The following AMPH variants were observed in gnomAD, a reference collection of about 807,000 sequenced individuals.
AMPH encodes the protein amphiphysin.
Under a neutral mutation model 99.1 loss-of-function variants are expected in AMPH, and 49 were observed. The observed-to-expected ratio is 0.49, with a 90% CI of 0.39 to 0.63. AMPH has a LOEUF of 0.63. Among genes scored for constraint, AMPH ranks in the 20% least tolerant of loss-of-function variants. The pLI, the probability that AMPH is intolerant of heterozygous loss-of-function variation, is 0.00. For missense variants in AMPH, 759 were observed against 863.4 expected (o/e 0.88, Z 1.52); for synonymous variants, 314 against 317.3 (o/e 0.99, Z 0.11).
intron 1 of AMPH, among the ~76,000 whole-genome samples, chr7:38,616,606 G>A (rs1043654074): frequency 6.6e-6 from 1 of 152,134 alleles, no homozygotes; most frequent in African/African-American, 2.4e-5. Flanking sequence ...AACAGGTGAA[G>A]AATGGGTAAA....
intron 17 of AMPH, among the ~76,000 whole-genome samples, chr7:38,410,445 C>T (rs568138783): frequency 5.3e-5 from 8 of 152,316 alleles, no homozygotes; most frequent in African/African-American, 1.9e-4. Flanking sequence ...GACTGCCAAC[C>T]TCTGAGTTCA....
chr7:38,554,877 C>T (rs773995429), intron 1 of AMPH, among the ~76,000 whole-genome samples: 4 of 152,206 alleles, frequency 2.6e-5, no homozygotes, highest in Non-Finnish European at 5.9e-5. Context: ...CCAGGAGATG[C>T]ACACCCTCTT....
At chr7:38,475,202 C>T (rs567352889) in intron 7 of AMPH, 129 bp downstream of exon 7, 11 of 624,060 alleles carry the variant, frequency 1.8e-5, no homozygotes, top group East Asian at 5.8e-5. Flanking sequence ...TACTGGAAAG[C>T]GCAGATAAAG....
chr7:38,527,574 T>C (rs574701223), intron 2 of AMPH, among the ~76,000 whole-genome samples: 1 of 152,348 alleles, frequency 6.6e-6, no homozygotes, highest in African/African-American at 2.4e-5. Context: ...ATGTGATTGA[T>C]ATTTATGTGT....
intron 1 of AMPH, among the ~76,000 whole-genome samples, chr7:38,597,722 C>A (rs1406713785): frequency 6.6e-6 from 1 of 152,168 alleles, no homozygotes; most frequent in Non-Finnish European, 1.5e-5. Flanking sequence ...AAAAACCCCA[C>A]CCATCACAAC....
At chr7:38,471,963 C>A (rs1401669059) in intron 7 of AMPH, among the ~76,000 whole-genome samples, 3 of 151,936 alleles carry the variant, frequency 2.0e-5, no homozygotes, top group Non-Finnish European at 4.4e-5. Flanking sequence ...AACAAAAGAG[C>A]CCTAAAATAC....
chr7:38,555,465 A>G (rs1413411743), intron 1 of AMPH, among the ~76,000 whole-genome samples: 1 of 152,160 alleles, frequency 6.6e-6, no homozygotes, highest in African/African-American at 2.4e-5. Context: ...ATGAATTCAT[A>G]GTCCCCTCAT....
At chr7:38,439,743 G>T (rs952454576) in intron 11 of AMPH, among the ~76,000 whole-genome samples, 15 of 152,160 alleles carry the variant, frequency 9.9e-5, no homozygotes, top group African/African-American at 3.6e-4. Flanking sequence ...ACCACAGTGG[G>T]AGAAAATCTT....
At chr7:38,451,446 C>T (rs1224498108) in intron 11 of AMPH, among the ~76,000 whole-genome samples, 1 of 139,170 alleles carries the variant, frequency 7.2e-6, no homozygotes, top group Non-Finnish European at 1.5e-5. Context: ...TTGTCTTGAT[C>T]TCTTGTTAGA....
chr7:38,467,638 A>ATGTG (rs1039627542), intron 7 of AMPH, among the ~76,000 whole-genome samples: 25 of 38,434 alleles, frequency 6.5e-4, no homozygotes, highest in South Asian at 2.7e-3. Context: ...TACAATGGAA[A>ATGTG]TATGTGTGTG....
intron 1 of AMPH, among the ~76,000 whole-genome samples, chr7:38,596,254 G>A (rs950857171): frequency 6.6e-6 from 1 of 152,172 alleles, no homozygotes; most frequent in Non-Finnish European, 1.5e-5. Context: ...TGGGAGAGAA[G>A]GAATAAGTCT....
At chr7:38,590,615 T>C (rs958862134) in intron 1 of AMPH, among the ~76,000 whole-genome samples, 4 of 152,246 alleles carry the variant, frequency 2.6e-5, no homozygotes, top group Non-Finnish European at 5.9e-5. Flanking sequence ...ACTATTTCTT[T>C]ACCTCCTGCT....
At chr7:38,452,789 T>C (rs543644091) in intron 11 of AMPH, among the ~76,000 whole-genome samples, 12 of 152,306 alleles carry the variant, frequency 7.9e-5, no homozygotes, top group Non-Finnish European at 1.3e-4. Flanking sequence ...TAGCAGCATT[T>C]TCCTCAGAAA....
intron 20 of AMPH, among the ~76,000 whole-genome samples, chr7:38,388,573 T>C (rs551770221): frequency 6.6e-6 from 1 of 152,092 alleles, no homozygotes; most frequent in Non-Finnish European, 1.5e-5. Context: ...ATTTGACCCA[T>C]GGGTTATTTA....
chr7:38,495,159 T>C (rs3943706), intron 3 of AMPH, among the ~76,000 whole-genome samples: 23,651 of 152,138 alleles, frequency 0.16, 2,010 homozygotes, highest in Middle Eastern at 0.24. Context: ...GTGACTTTAA[T>C]TGATACGATG....
intron 17 of AMPH, 43 bp from the exon 18 acceptor site, chr7:38,394,257 G>GA: frequency 6.3e-7 from 1 of 1,598,014 alleles, no homozygotes; most frequent in Non-Finnish European, 8.6e-7. Flanking sequence ...ATCTCCATGG[G>GA]CCTCTGCCAG....
intron 2 of AMPH, among the ~76,000 whole-genome samples, chr7:38,521,874 C>T (rs969029368): frequency 6.6e-6 from 1 of 152,120 alleles, no homozygotes; most frequent in Non-Finnish European, 1.5e-5. Context: ...ATTCAGTAGG[C>T]GCTTCCCATG....
chr7:38,623,062 C>T (rs1794126400), intron 1 of AMPH, among the ~76,000 whole-genome samples: 2 of 152,208 alleles, frequency 1.3e-5, no homozygotes, highest in African/African-American at 2.4e-5. Context: ...AGAAGGGAAA[C>T]TCACCATGGG....
intron 1 of AMPH, among the ~76,000 whole-genome samples, chr7:38,623,132 A>G (rs1794127905): frequency 6.6e-6 from 1 of 152,240 alleles, no homozygotes; most frequent in Non-Finnish European, 1.5e-5. Flanking sequence ...TTTCATAATA[A>G]TTGGGTAGGA....
Sources: allele counts gnomAD v4.1 joint callset (sites outside exome capture counted in the v4.1 genomes callset), GRCh38; gene constraint gnomAD v4.1.1; transcripts MANE v1.5; gene names NCBI Gene and HGNC (gene_info 2026-07-23, HGNC 2026-07-21).